Variants in CLASP2 observed in about 807,000 individuals in gnomAD.
CLASP2 encodes the protein cytoplasmic linker associated protein 2, also known as CLIP-associating protein 2.
CLASP2 carries 47 observed loss-of-function variants against 194.4 expected under a neutral mutation model. That is an observed-to-expected ratio of 0.24 (90% CI 0.19 to 0.31). The LOEUF (loss-of-function observed/expected upper bound fraction) is 0.31, where lower values mean the gene tolerates loss of function less well. Among genes scored for constraint, CLASP2 ranks in the 10% least tolerant of loss-of-function variants. The pLI, the probability that CLASP2 is intolerant of heterozygous loss-of-function variation, is 1.00. For synonymous variants in CLASP2, 619 were observed against 633.5 expected, an observed-to-expected ratio of 0.98 and a Z score of 0.34; for missense variants, 1,445 against 1,823.6, an observed-to-expected ratio of 0.79 and a Z score of 3.78.
intron 13 of CLASP2, among the ~76,000 whole-genome samples, chr3:33,609,705 T>C (rs571547079): frequency 2.3e-4 from 35 of 152,336 alleles, no homozygotes; most frequent in East Asian, 1.5e-3. Context: ...TTATGAGATA[T>C]AATTATCACA....
chr3:33,697,658 A>C (rs1255665993), intron 1 of CLASP2, among the ~76,000 whole-genome samples: 5 of 152,232 alleles, frequency 3.3e-5, no homozygotes, highest in Non-Finnish European at 7.3e-5. Flanking sequence ...CTTTAATTAC[A>C]GAGGAATTTC....
intron 6 of CLASP2, among the ~76,000 whole-genome samples, chr3:33,675,432 T>C (rs1203136995): frequency 2.0e-5 from 3 of 151,440 alleles, no homozygotes; most frequent in Non-Finnish European, 4.4e-5. Flanking sequence ...TGATGGGACA[T>C]ATCTCAAAAT....
At chr3:33,522,752 TAAG>T (rs2053487688) in intron 34 of CLASP2, among the ~76,000 whole-genome samples, 2 of 152,056 alleles carry the variant, frequency 1.3e-5, no homozygotes, top group Admixed American at 6.5e-5. Flanking sequence ...ATTCTGGAAT[TAAG>T]AAGTATGGTA....
At chr3:33,569,891 GA>G (rs2063429912) in intron 26 of CLASP2, among the ~76,000 whole-genome samples, 1 of 151,774 alleles carries the variant, frequency 6.6e-6, no homozygotes, top group African/African-American at 2.4e-5. Context: ...ACTAAAAATA[GA>G]AAAAAATGAG....
chr3:33,715,847 T>TAA (rs59528446), intron 1 of CLASP2, among the ~76,000 whole-genome samples: 6,816 of 62,320 alleles, frequency 0.11, 611 homozygotes, highest in South Asian at 0.14. Context: ...GTATCTTAAG[T>TAA]AAAAAAAAAA....
intron 6 of CLASP2, among the ~76,000 whole-genome samples, chr3:33,666,912 G>A (rs2086271803): frequency 1.3e-5 from 2 of 151,694 alleles, no homozygotes; most frequent in South Asian, 2.1e-4. Context: ...TTTTATTTTC[G>A]TCATCCTGGG....
intron 29 of CLASP2, among the ~76,000 whole-genome samples, chr3:33,552,188 G>A (rs1371908343): frequency 5.4e-5 from 8 of 148,784 alleles, no homozygotes; most frequent in Non-Finnish European, 8.9e-5. Context: ...GTGCGATCTC[G>A]GCTCACTGAA....
chr3:33,697,042 A>T (rs1385393027), intron 1 of CLASP2, 109 bp from the exon 2 acceptor site: 5 of 680,022 alleles, frequency 7.4e-6, no homozygotes, highest in East Asian at 5.6e-5. Context: ...TACATTTTTT[A>T]AAAATGAGAT....
intron 1 of CLASP2, among the ~76,000 whole-genome samples, chr3:33,707,404 T>C (rs902422038): frequency 6.6e-6 from 1 of 152,230 alleles, no homozygotes; most frequent in Non-Finnish European, 1.5e-5. Context: ...TACCATTCTA[T>C]ATAAACCATA....
At chr3:33,713,032 A>AAAAAAAAAAAAAAAAAAAAAAAT (rs2093107177) in intron 1 of CLASP2, among the ~76,000 whole-genome samples, 1 of 150,470 alleles carries the variant, frequency 6.6e-6, no homozygotes, top group Admixed American at 6.6e-5. Context: ...AAAAAAAAAA[A>AAAAAAAAAAAAAAAAAAAAAAAT]AAAAAAAGAA....
At chr3:33,641,613 T>C (rs769532389) in intron 8 of CLASP2, among the ~76,000 whole-genome samples, 7 of 152,030 alleles carry the variant, frequency 4.6e-5, no homozygotes, top group African/African-American at 7.2e-5. Flanking sequence ...ACAAGACTTA[T>C]GAGCTTTAAT....
At chr3:33,629,022 T>A (rs2078572021) in intron 9 of CLASP2, among the ~76,000 whole-genome samples, 2 of 151,324 alleles carry the variant, frequency 1.3e-5, no homozygotes, top group South Asian at 4.2e-4. Flanking sequence ...AAAAAAAAAA[T>A]CCCAAACTGG....
At chr3:33,700,426 A>G (rs2092294478) in intron 1 of CLASP2, among the ~76,000 whole-genome samples, 1 of 152,060 alleles carries the variant, frequency 6.6e-6, no homozygotes, top group Non-Finnish European at 1.5e-5. Context: ...CACTGTCTCA[A>G]ACAAACAAAC....
chr3:33,559,216 T>A, intron 29 of CLASP2, 91 bp downstream of exon 29: 1 of 884,906 alleles, frequency 1.1e-6, no homozygotes, highest in Non-Finnish European at 1.8e-6. Flanking sequence ...TTGAACAGCT[T>A]CTCATGTGAC....
chr3:33,539,112 C>T (rs1001212979), intron 32 of CLASP2, among the ~76,000 whole-genome samples, 170 bp from the exon 33 acceptor site: 2 of 152,114 alleles, frequency 1.3e-5, no homozygotes, highest in African/African-American at 4.8e-5. Context: ...GTACATGTCT[C>T]TTTGTCCTTC....
intron 37 of CLASP2, chr3:33,504,599 C>A (rs2047634413): frequency 6.6e-6 from 1 of 152,218 alleles, no homozygotes; most frequent in Non-Finnish European, 1.5e-5. Flanking sequence ...GCCTAGGGCC[C>A]TCTAAGACGG....
intron 7 of CLASP2, among the ~76,000 whole-genome samples, chr3:33,646,139 AC>A (rs935145209): frequency 2.6e-5 from 4 of 152,036 alleles, no homozygotes; most frequent in African/African-American, 9.7e-5. Context: ...TTAAACAAAC[AC>A]CCAATCACCT....
At chr3:33,715,835 T>C (rs993399390) in intron 1 of CLASP2, among the ~76,000 whole-genome samples, 16 of 138,698 alleles carry the variant, frequency 1.2e-4, no homozygotes, top group African/African-American at 4.1e-4. Context: ...GTATGTTTTA[T>C]TGTATCTTAA....
chr3:33,645,001 A>G, intron 7 of CLASP2, 98 bp from the exon 8 acceptor site: 1 of 1,278,386 alleles, frequency 7.8e-7, no homozygotes, highest in Non-Finnish European at 1.1e-6. Flanking sequence ...TAAAATCATT[A>G]CTTTGGTAAG....
Sources: allele counts gnomAD v4.1 joint callset (sites outside exome capture counted in the v4.1 genomes callset), GRCh38; gene constraint gnomAD v4.1.1; transcripts MANE v1.5; gene names NCBI Gene and HGNC (gene_info 2026-07-23, HGNC 2026-07-21).